Variants in MGAT4D observed in about 807,000 individuals in gnomAD.
The protein encoded by MGAT4D is MGAT4 family member D.
In MGAT4D, 34 loss-of-function variants were observed where a neutral mutation model predicts 15.9. That is an observed-to-expected ratio of 2.14 (90% CI 1.62 to 2.84). MGAT4D has a LOEUF of 2.84. Among genes scored for constraint, MGAT4D ranks in the 30% most tolerant of loss-of-function variants. MGAT4D has a pLI of 0.00. For missense variants in MGAT4D, 327 were observed against 140.2 expected (o/e 2.33, Z -6.73); for synonymous variants, 112 against 48.2 (o/e 2.33, Z -5.49).
chr4:140,459,667 C>T (rs1197667519), intron 7 of MGAT4D, 41 bp from the exon 8 acceptor site: 1 of 395,534 alleles, frequency 2.5e-6, no homozygotes, highest in Non-Finnish European at 4.5e-6. Flanking sequence ...ATCTTTGACG[C>T]TTCCATTGAG....
intron 1 of MGAT4D, among the ~76,000 whole-genome samples, chr4:140,488,440 T>C (rs530020362): frequency 1.6e-4 from 25 of 152,230 alleles, no homozygotes; most frequent in Non-Finnish European, 2.4e-4. Context: ...ATGGTGCATA[T>C]ATTTAAACTT....
intron 10 of MGAT4D, among the ~76,000 whole-genome samples, chr4:140,445,735 T>A (rs1730079506): frequency 6.6e-6 from 1 of 152,184 alleles, no homozygotes; most frequent in Admixed American, 6.5e-5. Flanking sequence ...CCAGTTTCAA[T>A]CTTCTGCACG....
At chr4:140,480,239 AG>A (rs1732610516) in intron 2 of MGAT4D, among the ~76,000 whole-genome samples, 1 of 152,214 alleles carries the variant, frequency 6.6e-6, no homozygotes, top group Non-Finnish European at 1.5e-5. Flanking sequence ...AATTGAATGC[AG>A]AAAAGACAGT....
At chr4:140,448,415 G>C (rs1450496116) in intron 10 of MGAT4D, among the ~76,000 whole-genome samples, 2 of 151,778 alleles carry the variant, frequency 1.3e-5, no homozygotes, top group African/African-American at 4.8e-5. Flanking sequence ...CACTCTTTTT[G>C]TTTATTTTTG....
intron 1 of MGAT4D, among the ~76,000 whole-genome samples, chr4:140,482,928 G>A (rs766544633): frequency 8.5e-5 from 13 of 152,250 alleles, no homozygotes; most frequent in East Asian, 7.7e-4. Context: ...AACATAGGCC[G>A]TAGTATTTAG....
At chr4:140,466,535 A>G (rs1731542926) in intron 5 of MGAT4D, among the ~76,000 whole-genome samples, 1 of 152,182 alleles carries the variant, frequency 6.6e-6, no homozygotes, top group African/African-American at 2.4e-5. Flanking sequence ...TACTCTTGAT[A>G]AAATTTTTAA....
chr4:140,476,659 C>T (rs1278041730), intron 3 of MGAT4D, among the ~76,000 whole-genome samples: 1 of 152,186 alleles, frequency 6.6e-6, no homozygotes, highest in Non-Finnish European at 1.5e-5. Flanking sequence ...ACTACCCACA[C>T]TTTTCGAATT....
At chr4:140,484,050 A>G (rs527757683) in intron 1 of MGAT4D, among the ~76,000 whole-genome samples, 9 of 152,340 alleles carry the variant, frequency 5.9e-5, no homozygotes, top group African/African-American at 2.2e-4. Flanking sequence ...ACAGCAAAGT[A>G]AACAATTAAC....
intron 9 of MGAT4D, among the ~76,000 whole-genome samples, chr4:140,451,933 A>G (rs1730496206): frequency 6.6e-6 from 1 of 151,960 alleles, no homozygotes; most frequent in African/African-American, 2.4e-5. Context: ...AGAGTAAAAA[A>G]TATAATATTA....
chr4:140,454,511 T>C (rs542408333), intron 9 of MGAT4D, among the ~76,000 whole-genome samples: 20 of 152,294 alleles, frequency 1.3e-4, no homozygotes, highest in African/African-American at 4.6e-4. Flanking sequence ...TTACTATTAC[T>C]GGGAAGATTT....
intron 1 of MGAT4D, among the ~76,000 whole-genome samples, chr4:140,485,591 TA>T (rs1201500636): frequency 2.7e-5 from 4 of 150,102 alleles, no homozygotes; most frequent in African/African-American, 7.3e-5. Context: ...TTAAAAAAAT[TA>T]AAAATAGAAC....
chr4:140,454,470 A>AT (rs912495346), intron 9 of MGAT4D, among the ~76,000 whole-genome samples: 2 of 152,002 alleles, frequency 1.3e-5, no homozygotes, highest in Non-Finnish European at 2.9e-5. Flanking sequence ...AGTATGGTGT[A>AT]TTTTTCTTTT....
chr4:140,445,632 G>A (rs933425160), intron 10 of MGAT4D, among the ~76,000 whole-genome samples: 1 of 152,012 alleles, frequency 6.6e-6, no homozygotes, highest in African/African-American at 2.4e-5. Context: ...GTATTTCCTA[G>A]GTTATCTTCC....
intron 2 of MGAT4D, among the ~76,000 whole-genome samples, chr4:140,480,728 AACACACACACACACACACAC>A (rs10615827): frequency 0.013 from 1,683 of 125,684 alleles, 29 homozygotes; most frequent in South Asian, 0.059. Flanking sequence ...CTCATCTCTA[AACACACACACACACACACAC>A]ACACACACAC....
At chr4:140,458,073 C>T (rs1033706067) in intron 8 of MGAT4D, 34 of 152,148 alleles carry the variant, frequency 2.2e-4, no homozygotes, top group African/African-American at 8.0e-4. Flanking sequence ...AACTTTTACG[C>T]ACTGCTTATG....
intron 8 of MGAT4D, chr4:140,457,259 T>C (rs1254263228): frequency 6.6e-6 from 1 of 152,072 alleles, no homozygotes; most frequent in East Asian, 1.9e-4. Flanking sequence ...TAATAGTTTT[T>C]TTCTTATATA....
Position 140,479,604 on chromosome 4 carries a change from T to C in MGAT4D, c.277A>G (p.Asn93Asp). Reference protein sequence around the residue: ...NLVAQKADILNKNETVSNTFE... With the variant: ...NLVAQKADILDKNETVSNTFE... Reference sequence around the variant, plus strand: ...GTATTAGATACTGTTTCATTTTTATTTAATATGTCTGCTTTCTGTGCAACT... The same window carrying C: ...GTATTAGATACTGTTTCATTTTTATCTAATATGTCTGCTTTCTGTGCAACT... The change falls in exon 3 of 11, where the codon AAT becomes GAT. Residue 93 changes from asparagine (N) to aspartate (D), a missense_variant. Transcript: ENST00000511113. The C allele has an allele frequency of 2.0e-6, 1 of 500,338 alleles. No homozygotes were observed. Among genetic ancestry groups the C allele is most frequent in the South Asian group, 3.4e-5 (1 of 29,080 alleles). 31.0% of individuals were successfully genotyped at this position (500,338 alleles called of 1,614,324 possible).
chr4:140,492,440 C>A (rs905690449), intron 1 of MGAT4D, among the ~76,000 whole-genome samples: 1 of 152,092 alleles, frequency 6.6e-6, no homozygotes, highest in Non-Finnish European at 1.5e-5. Context: ...ACCAGCCTGG[C>A]CAACATGGTG....
chr4:140,472,223 C>T (rs575644419), intron 4 of MGAT4D, among the ~76,000 whole-genome samples: 64 of 152,234 alleles, frequency 4.2e-4, no homozygotes, highest in African/African-American at 1.4e-3. Context: ...TATTATATGA[C>T]AATAAGCCTA....
Sources: allele counts gnomAD v4.1 joint callset (sites outside exome capture counted in the v4.1 genomes callset), GRCh38; gene constraint gnomAD v4.1.1; transcripts MANE v1.5; gene names NCBI Gene and HGNC (gene_info 2026-07-23, HGNC 2026-07-21).